HAUS7: variants seen among roughly 807,000 people sequenced by gnomAD.
HAUS7 encodes HAUS augmin-like complex subunit 7.
A neutral mutation model predicts 28.4 loss-of-function variants in HAUS7; 3 were observed. That is an observed-to-expected ratio of 0.11 (90% CI 0.05 to 0.27). HAUS7 has a LOEUF of 0.27. HAUS7 is among the 10% of genes least tolerant of loss of function. The pLI, the probability that HAUS7 is intolerant of heterozygous loss-of-function variation, is 1.00. For synonymous variants in HAUS7, 165 were observed against 132.1 expected, an observed-to-expected ratio of 1.25 and a Z score of -1.71; for missense variants, 284 against 297.3, an observed-to-expected ratio of 0.96 and a Z score of 0.33.
chrX:153,486,813 C>T (rs1556988687), intron 1 of HAUS7: 1 of 981,768 alleles, frequency 1.0e-6, no homozygotes. Flanking sequence ...GCTCCTAGTC[C>T]TGCCTGCCGC....
chrX:153,480,777 G>A (rs2089594719), intron 1 of HAUS7: 1 of 753,880 alleles, frequency 1.3e-6, no homozygotes, highest in Non-Finnish European at 1.6e-6. Context: ...CTTGGAGCAG[G>A]AGCAGGGTCA....
At position 153,455,740 on chromosome X, in the gene HAUS7, A is replaced by G. The variant is rs6571305; in HGVS notation, c.732T>C (p.Ala244=). 0.027 allele frequency: 31,747 copies of G among 1,195,903 alleles called. 2,945 individuals are homozygous for G. The African/African-American group carries it at 0.37, about 14-fold the overall frequency. The part of the protein sequence containing the change: ...TEYFAQHEQG[A]AAGAADISTL... ...TGCTGATGTCGGCTGCGCCCGCAGC[A>G]GCCCCTTGCTCATGCTGTGCAAAGT... Residue 244 remains alanine (A), a synonymous_variant, in exon 8 of 10, where the codon GCT becomes GCC. Coordinates refer to ENST00000370211, the MANE Select transcript of HAUS7 (RefSeq NM_001385482.1).
chrX:153,478,632 A>G (rs922019243), intron 1 of HAUS7, among the ~76,000 whole-genome samples: 18 of 112,461 alleles, frequency 1.6e-4, no homozygotes, highest in African/African-American at 4.8e-4. Context: ...GAGAAGGTAG[A>G]GACCTGGAGG....
At chrX:153,462,572 G>A (rs1556983588) in intron 4 of HAUS7, 38 bp downstream of exon 4, 3 of 1,049,989 alleles carry the variant, frequency 2.9e-6, no homozygotes, top group East Asian at 3.0e-5. Context: ...GGCAGAAAGC[G>A]TGCGTGCCGT....
At chrX:153,451,375 G>A (rs782105986) in intron 9 of HAUS7, among the ~76,000 whole-genome samples, 90 of 112,618 alleles carry the variant, frequency 8.0e-4, no homozygotes, top group African/African-American at 2.8e-3. Context: ...AAACTGGGAA[G>A]AGAGTCATAG....
At position 153,457,189 on chromosome X, in the gene HAUS7, G is replaced by C. The variant is rs1294460420; in HGVS notation, c.394C>G (p.Gln132Glu). 8.3e-7 allele frequency: 1 copy of C among 1,203,495 alleles called. No individual in the cohort carries two copies. Among genetic ancestry groups the C allele is most frequent in the Non-Finnish European group, 1.1e-6 (1 of 887,627 alleles). ...CAQKQLHFMDQLLDTIRSLTI... is the reference protein window; with the variant it reads ...CAQKQLHFMDELLDTIRSLTI... Reference sequence around the variant, plus strand: ...AGGCTCCGGATGGTATCGAGCAACTGGTCCATGAAGTGTAGCTGCTTCTGG... The same window carrying C: ...AGGCTCCGGATGGTATCGAGCAACTCGTCCATGAAGTGTAGCTGCTTCTGG... Residue 132 changes from glutamine to glutamate, a missense_variant, in exon 5 of 10, where the codon CAG becomes GAG. Physicochemically the swap from Gln to Glu is conservative, Grantham distance 29 (BLOSUM62 2). Coordinates refer to ENST00000370211, the MANE Select transcript of HAUS7 (RefSeq NM_001385482.1).
chrX:153,488,452 A>T (rs1556989012), intron 1 of HAUS7, among the ~76,000 whole-genome samples: 1 of 112,453 alleles, frequency 8.9e-6, no homozygotes, highest in African/African-American at 3.2e-5. Context: ...TCCATGGCCG[A>T]TTCCCCCTAC....
upstream of HAUS7, among the ~76,000 whole-genome samples, chrX:153,471,327 C>A (rs1056696609): frequency 4.5e-5 from 5 of 112,151 alleles, no homozygotes; most frequent in Non-Finnish European, 9.4e-5. Context: ...CAGTGCCCGG[C>A]GCATGCGAAG....
chrX:153,454,750 G>A, intron 8 of HAUS7: 1 of 533,142 alleles, frequency 1.9e-6, no homozygotes, highest in Non-Finnish European at 3.2e-6. Flanking sequence ...CTCTCATGTC[G>A]CTCTGGCAAC....
At chrX:153,477,061 A>G (rs1284657505) in intron 1 of HAUS7, among the ~76,000 whole-genome samples, 2 of 113,080 alleles carry the variant, frequency 1.8e-5, no homozygotes, top group Non-Finnish European at 3.8e-5. Context: ...CACCCAGGTC[A>G]GCCACCAGGC....
chrX:153,469,717 C>A (rs1437721146), intron 1 of HAUS7, among the ~76,000 whole-genome samples: 3 of 112,409 alleles, frequency 2.7e-5, no homozygotes, highest in African/African-American at 9.7e-5. Context: ...TTCTTAACCC[C>A]ACATCTCCCG....
chrX:153,479,000 T>C (rs935518907), intron 1 of HAUS7, among the ~76,000 whole-genome samples: 2 of 111,037 alleles, frequency 1.8e-5, no homozygotes, highest in African/African-American at 6.6e-5. Context: ...GGCAGGACCG[T>C]CCGGTCTGAG....
At chrX:153,468,868 A>G (rs1002830071) in intron 2 of HAUS7, among the ~76,000 whole-genome samples, 2 of 113,028 alleles carry the variant, frequency 1.8e-5, no homozygotes, top group African/African-American at 6.4e-5. Flanking sequence ...CTCCAAACTC[A>G]TAAGGCAAGG....
intron 1 of HAUS7, among the ~76,000 whole-genome samples, chrX:153,484,453 T>G (rs1003044620): frequency 1.4e-4 from 15 of 110,830 alleles, no homozygotes; most frequent in African/African-American, 4.6e-4. Flanking sequence ...GCTGTAGGGC[T>G]GTAGGAGTCG....
At chrX:153,463,213 T>C (rs2089415246) in intron 3 of HAUS7, 1 of 306,224 alleles carries the variant, frequency 3.3e-6, no homozygotes, top group Non-Finnish European at 6.3e-6. Context: ...CTGAGTAACT[T>C]GGAGCCAGAA....
intron 4 of HAUS7, among the ~76,000 whole-genome samples, chrX:153,459,061 T>G (rs782361274): frequency 4.4e-5 from 5 of 112,397 alleles, no homozygotes; most frequent in African/African-American, 6.5e-5. Context: ...CCCGGCCTCC[T>G]TTTCTTTTTT....
chrX:153,472,065 C>T (rs1022226329), upstream of HAUS7, among the ~76,000 whole-genome samples: 29 of 111,517 alleles, frequency 2.6e-4, no homozygotes, highest in African/African-American at 8.8e-4. Context: ...GTGGATCTTT[C>T]CTAGGACTGG....
intron 1 of HAUS7, among the ~76,000 whole-genome samples, chrX:153,494,284 ACTGACTCG>A (rs782186486): frequency 8.9e-6 from 1 of 112,543 alleles, no homozygotes; most frequent in African/African-American, 3.2e-5. Context: ...GAGCAAGAAG[ACTGACTCG>A]CTGGATCCTT....
At chrX:153,463,974 G>A (rs1056529678) in intron 3 of HAUS7, among the ~76,000 whole-genome samples, 3 of 112,641 alleles carry the variant, frequency 2.7e-5, no homozygotes, top group East Asian at 2.8e-4. Flanking sequence ...CAAGCGCCAC[G>A]AGGGCAGTGG....
Sources: allele counts gnomAD v4.1 joint callset (sites outside exome capture counted in the v4.1 genomes callset), GRCh38; gene constraint gnomAD v4.1.1; transcripts MANE v1.5; gene names NCBI Gene and HGNC (gene_info 2026-07-23, HGNC 2026-07-21).